Variants in KAT6A observed in about 807,000 individuals in gnomAD.
KAT6A encodes lysine acetyltransferase 6A.
In KAT6A, 9 loss-of-function variants were observed where a neutral mutation model predicts 198.4. The ratio of observed to expected loss-of-function variants is 0.05; its 90% CI spans 0.03 to 0.08. The LOEUF (loss-of-function observed/expected upper bound fraction) is 0.08. Among genes scored for constraint, KAT6A ranks in the 10% least tolerant of loss-of-function variants. The pLI, the probability that KAT6A is intolerant of heterozygous loss-of-function variation, is 1.00. For missense variants in KAT6A, 2,077 were observed against 2,509.9 expected, an observed-to-expected ratio of 0.83 and a Z score of 3.69; for synonymous variants, 890 against 883.0, an observed-to-expected ratio of 1.01 and a Z score of -0.14.
In KAT6A at chr8:42,047,356, C is replaced by T. The variant is rs963146355; in HGVS notation, c.600+1022G>A. Among the ~76,000 whole-genome samples, 55 of 152,280 alleles carry T rather than the reference C, an allele frequency of 3.6e-4. 1 individual carries two copies. The highest frequency in any genetic ancestry group is 6.8e-3 in the Middle Eastern group (2 of 294). On this transcript the variant is annotated intron_variant, in intron 2 of 16. Coordinates refer to ENST00000265713, the MANE Select transcript of KAT6A (RefSeq NM_006766.5). ...AATTTCAACTATATACAATAACATC[C>T]TAAAACACAACAGAGTAAAGTACAC...
chr8:42,037,654 G>T (rs1416701872), intron 2 of KAT6A, among the ~76,000 whole-genome samples: 1 of 149,958 alleles, frequency 6.7e-6, no homozygotes, highest in African/African-American at 2.5e-5. Context: ...AAGGTAAACG[G>T]CAAAAGAAGC....
At chr8:42,033,894 G>A (rs1424780061) in intron 2 of KAT6A, among the ~76,000 whole-genome samples, 4 of 151,994 alleles carry the variant, frequency 2.6e-5, no homozygotes, top group African/African-American at 7.3e-5. Flanking sequence ...ATACAAAGAC[G>A]AAAAACAAGA....
intron 5 of KAT6A, among the ~76,000 whole-genome samples, chr8:41,980,481 A>G (rs573023774): frequency 5.3e-5 from 8 of 152,184 alleles, no homozygotes; most frequent in Non-Finnish European, 1.2e-4. Context: ...CTAAGCAGTG[A>G]TATAATCAAC....
At position 41,930,930 on chromosome 8, in the gene KAT6A, G is replaced by A; in HGVS notation, c.*1275C>T. On this transcript the variant is annotated 3_prime_UTR_variant, in exon 17 of 17. Transcript: ENST00000265713. ...TTCTCATTAGCCACTCACAGGAGAG[G>A]TGCTTGTGCACTCTGATTCACAGGG... is the stretch of plus-strand genomic sequence containing the variant. 1 of 209,798 alleles carries A rather than the reference G, an allele frequency of 4.8e-6. No homozygotes were observed. Among genetic ancestry groups the A allele is most frequent in the Non-Finnish European group, 9.7e-6 (1 of 103,226 alleles). The allele number at this position is 209,798 out of a possible 1,614,324, so 13.0% of individuals were successfully genotyped here.
chr8:41,957,256 T>C (rs746058651), intron 8 of KAT6A: 6 of 567,608 alleles, frequency 1.1e-5, no homozygotes, highest in Non-Finnish European at 1.8e-5. Context: ...GAAACGTTCC[T>C]GCACATGCGC....
At chr8:41,970,056 G>A (rs549616207) in intron 8 of KAT6A, among the ~76,000 whole-genome samples, 4 of 152,138 alleles carry the variant, frequency 2.6e-5, no homozygotes, top group South Asian at 4.2e-4. Flanking sequence ...ATTTCCTTCC[G>A]ACTATCAGTT....
intron 2 of KAT6A, among the ~76,000 whole-genome samples, chr8:42,019,323 A>G (rs1425316859): frequency 1.3e-5 from 2 of 151,942 alleles, no homozygotes; most frequent in Non-Finnish European, 2.9e-5. Context: ...TTTTTCCTCA[A>G]TTTCCTTCAG....
chr8:42,039,582 T>A (rs1459724547), intron 2 of KAT6A, among the ~76,000 whole-genome samples: 2 of 152,030 alleles, frequency 1.3e-5, no homozygotes, highest in African/African-American at 4.8e-5. Context: ...GTATTAAACA[T>A]AACAAAAAAG....
intron 2 of KAT6A, among the ~76,000 whole-genome samples, chr8:42,006,790 G>A (rs149274180): frequency 2.8e-3 from 420 of 152,240 alleles, no homozygotes; most frequent in African/African-American, 9.9e-3. Context: ...GAGGTCAGGA[G>A]TTCGAGACCA....
intron 2 of KAT6A, among the ~76,000 whole-genome samples, chr8:42,037,093 TA>T (rs889037661): frequency 6.6e-6 from 1 of 151,994 alleles, no homozygotes; most frequent in South Asian, 2.1e-4. Context: ...TAAACATTCT[TA>T]AAAAAATAAA....
intron 8 of KAT6A, among the ~76,000 whole-genome samples, chr8:41,956,762 C>A (rs575017940): frequency 6.7e-4 from 102 of 152,244 alleles, no homozygotes; most frequent in Admixed American, 1.7e-3. Flanking sequence ...CCTCCAAATA[C>A]AAAACCAAAA....
At chr8:41,980,733 C>G in intron 5 of KAT6A, 113 bp downstream of exon 5, 1 of 809,386 alleles carries the variant, frequency 1.2e-6, no homozygotes, top group Non-Finnish European at 2.1e-6. Context: ...CCTACTTATA[C>G]AACCTCAAAA....
intron 8 of KAT6A, among the ~76,000 whole-genome samples, chr8:41,965,107 T>TTTA (rs1362177201): frequency 6.6e-6 from 1 of 152,192 alleles, no homozygotes; most frequent in Non-Finnish European, 1.5e-5. Context: ...CATAAAGGTG[T>TTTA]TGTAAGACAG....
At chr8:42,017,551 G>A (rs556513038) in intron 2 of KAT6A, among the ~76,000 whole-genome samples, 1 of 152,210 alleles carries the variant, frequency 6.6e-6, no homozygotes, top group African/African-American at 2.4e-5. Context: ...GTTTGTTGGG[G>A]TGGGGGGATC....
Position 41,930,754 on chromosome 8 carries a change from T to TAA in KAT6A, c.*1450_*1451insTT, listed in dbSNP as rs1564000413. On this transcript the variant is annotated 3_prime_UTR_variant, in exon 17 of 17. Coordinates refer to ENST00000265713, the MANE Select transcript of KAT6A (RefSeq NM_006766.5). ...TTTTTTTTTTTTTTTTTTTTTTTTTTACCTATCCCTGGAGCAAGTAATAGG... is the reference window on the plus strand; with the variant it reads ...TTTTTTTTTTTTTTTTTTTTTTTTTTAAACCTATCCCTGGAGCAAGTAATAGG... 8.6e-6 allele frequency: 1 copy of TAA among 116,634 alleles called. No homozygotes were observed. The highest frequency in any genetic ancestry group is 1.7e-5 in the Non-Finnish European group (1 of 57,892). The allele number at this position is 116,634 out of a possible 1,614,324, so 7.2% of individuals were successfully genotyped here.
chr8:41,942,531 G>T, intron 14 of KAT6A: 1 of 440,836 alleles, frequency 2.3e-6, no homozygotes, highest in Non-Finnish European at 4.1e-6. Context: ...CTGCTTCTTG[G>T]CACCCTGGTA....
intron 2 of KAT6A, among the ~76,000 whole-genome samples, chr8:42,013,986 G>C (rs988948366): frequency 1.3e-5 from 2 of 152,038 alleles, no homozygotes; most frequent in African/African-American, 4.8e-5. Context: ...AAGAAGCCTT[G>C]GACAACACAG....
intron 6 of KAT6A, among the ~76,000 whole-genome samples, chr8:41,977,835 G>T (rs1306059588): frequency 6.6e-6 from 1 of 152,150 alleles, no homozygotes; most frequent in African/African-American, 2.4e-5. Flanking sequence ...TTAAGATTTT[G>T]AATATAGACT....
At position 41,977,366 on chromosome 8, in the gene KAT6A, A is replaced by G. The variant is rs1262993026; in HGVS notation, c.1044-39T>C. 12 of 1,464,990 alleles carry G rather than the reference A, an allele frequency of 8.2e-6. No homozygotes were observed. The Middle Eastern group carries it at 7.2e-4, about 87-fold the overall frequency. The allele number at this position is 1,464,990 out of a possible 1,614,324, so 90.7% of individuals were successfully genotyped here. A position where few individuals can be genotyped will look rare whatever the true frequency, so the allele number is the denominator to read the frequency against. On this transcript the variant is annotated intron_variant, in intron 6 of 16. Transcript: ENST00000265713. ...CAGGGGAAAGGGTAAGTATTAAAAA[A>G]GATACTTGTAAGGTTCCTTTTTAAT...
Sources: allele counts gnomAD v4.1 joint callset (sites outside exome capture counted in the v4.1 genomes callset), GRCh38; gene constraint gnomAD v4.1.1; transcripts MANE v1.5; gene names NCBI Gene and HGNC (gene_info 2026-07-23, HGNC 2026-07-21).